The following SLC25A26 variants were observed in gnomAD, a reference collection of about 807,000 sequenced individuals.
SLC25A26 encodes solute carrier family 25 member 26.
SLC25A26 carries 36 observed loss-of-function variants against 37.8 expected under a neutral mutation model. The observed-to-expected ratio is 0.95, with a 90% CI of 0.73 to 1.26. The LOEUF is 1.26. Ranked by LOEUF, SLC25A26 falls within the 50% of genes most tolerant of loss-of-function variation. SLC25A26 has a pLI of 0.00. For synonymous variants in SLC25A26, 129 were observed against 122.5 expected, an observed-to-expected ratio of 1.05 and a Z score of -0.35; for missense variants, 390 against 331.1, an observed-to-expected ratio of 1.18 and a Z score of -1.38.
At chr3:66,295,054 A>C (rs1464682600) in intron 5 of SLC25A26, among the ~76,000 whole-genome samples, 1 of 152,192 alleles carries the variant, frequency 6.6e-6, no homozygotes, top group Non-Finnish European at 1.5e-5. Context: ...GATACAGAAT[A>C]AAAAAAGTTG....
At chr3:66,255,935 A>T (rs2073281616) in intron 3 of SLC25A26, among the ~76,000 whole-genome samples, 1 of 152,150 alleles carries the variant, frequency 6.6e-6, no homozygotes, top group Non-Finnish European at 1.5e-5. Context: ...TTGATTTTTT[A>T]TCGGAGAGGC....
intron 1 of SLC25A26, among the ~76,000 whole-genome samples, chr3:66,138,000 AT>A (rs369427966): frequency 1.3e-5 from 2 of 151,704 alleles, no homozygotes; most frequent in Admixed American, 1.3e-4. Flanking sequence ...CACCCAGCTA[AT>A]TTTTGTATTT....
At chr3:66,318,580 T>C (rs1380431829) in intron 5 of SLC25A26, among the ~76,000 whole-genome samples, 5 of 151,900 alleles carry the variant, frequency 3.3e-5, no homozygotes, top group Non-Finnish European at 5.9e-5. Flanking sequence ...ATTTTTGTCC[T>C]TCTCAGTGGA....
chr3:66,310,140 CT>C (rs2075336461), intron 5 of SLC25A26, among the ~76,000 whole-genome samples: 1 of 152,152 alleles, frequency 6.6e-6, no homozygotes, highest in African/African-American at 2.4e-5. Flanking sequence ...GTCTAAGTTT[CT>C]TTGTAGGTCT....
intron 1 of SLC25A26, among the ~76,000 whole-genome samples, chr3:66,187,635 T>C (rs2070854955): frequency 6.6e-6 from 1 of 151,932 alleles, no homozygotes; most frequent in South Asian, 2.1e-4. Flanking sequence ...CATGCAAACC[T>C]TGACCCTAAC....
At chr3:66,355,960 G>T in intron 6 of SLC25A26, 1 of 451,556 alleles carries the variant, frequency 2.2e-6, no homozygotes, top group Non-Finnish European at 4.4e-6. Flanking sequence ...GAATTGAGTA[G>T]ATGATTCTGT....
At chr3:66,151,312 T>C (rs2070205194) in intron 1 of SLC25A26, among the ~76,000 whole-genome samples, 1 of 152,018 alleles carries the variant, frequency 6.6e-6, no homozygotes, top group Non-Finnish European at 1.5e-5. Flanking sequence ...AAAGCTGGTC[T>C]ACTCTGCTAG....
intron 1 of SLC25A26, among the ~76,000 whole-genome samples, chr3:66,224,014 C>G (rs1007694818): frequency 6.6e-6 from 1 of 152,162 alleles, no homozygotes; most frequent in African/African-American, 2.4e-5. Context: ...ATTTCTTGGA[C>G]TAGTCTGCAG....
At chr3:66,371,966 G>A (rs567221802) in intron 9 of SLC25A26, among the ~76,000 whole-genome samples, 74 of 152,214 alleles carry the variant, frequency 4.9e-4, no homozygotes, top group Non-Finnish European at 9.1e-4. Flanking sequence ...TGGTGTGGTC[G>A]CACGCACCTG....
intron 1 of SLC25A26, among the ~76,000 whole-genome samples, chr3:66,223,562 G>A (rs1390607922): frequency 6.6e-6 from 1 of 152,202 alleles, no homozygotes; most frequent in Non-Finnish European, 1.5e-5. Context: ...ACTCCTGAGG[G>A]AGTTTGGTTT....
chr3:66,334,570 C>T (rs1052832835), intron 5 of SLC25A26, among the ~76,000 whole-genome samples: 1 of 152,192 alleles, frequency 6.6e-6, no homozygotes, highest in African/African-American at 2.4e-5. Context: ...CCGGCCTCAG[C>T]CTCCCAAAGT....
intron 5 of SLC25A26, chr3:66,293,051 G>A (rs570234580): frequency 9.2e-5 from 14 of 151,608 alleles, no homozygotes; most frequent in Non-Finnish European, 1.6e-4. Context: ...TTCAGTCTCT[G>A]ATATCCTTTC....
intron 5 of SLC25A26, among the ~76,000 whole-genome samples, chr3:66,313,297 T>A (rs1323433697): frequency 6.6e-6 from 1 of 152,162 alleles, no homozygotes; most frequent in Non-Finnish European, 1.5e-5. Context: ...TTGAGTTAAT[T>A]TTTATATAAG....
At chr3:66,290,841 G>A (rs369504618) in intron 5 of SLC25A26, among the ~76,000 whole-genome samples, 3 of 152,128 alleles carry the variant, frequency 2.0e-5, no homozygotes, top group Non-Finnish European at 4.4e-5. Context: ...AATGAATTAC[G>A]GAGGAGCCCC....
At chr3:66,207,456 A>G (rs2071196200) in intron 1 of SLC25A26, among the ~76,000 whole-genome samples, 1 of 152,316 alleles carries the variant, frequency 6.6e-6, no homozygotes, top group Admixed American at 6.5e-5. Flanking sequence ...AGACAGTATT[A>G]TGGGAAGACA....
intron 6 of SLC25A26, among the ~76,000 whole-genome samples, chr3:66,360,204 A>G (rs557899676): frequency 6.6e-6 from 1 of 152,346 alleles, no homozygotes; most frequent in East Asian, 1.9e-4. Flanking sequence ...GGAAATTAAA[A>G]TGAACTTTGC....
rs1436537922 is a variant in SLC25A26, at chr3:66,329,156, C to T, written c.454-17208C>T. 9.9e-5 allele frequency among the ~76,000 whole-genome samples: 15 copies of T among 152,222 alleles called. 1 individual carries two copies. In the South Asian group the frequency reaches 2.3e-3, roughly 23 times the overall value. On this transcript the variant is annotated intron_variant, in intron 5 of 9. Coordinates refer to ENST00000354883, the MANE Select transcript of SLC25A26 (RefSeq NM_001379210.1). ...TTTACATTGGAATTTCATATTAAGTCGGTGGCCCTTTCAGTAAAATAAGAG... is the reference window on the plus strand; with the variant it reads ...TTTACATTGGAATTTCATATTAAGTTGGTGGCCCTTTCAGTAAAATAAGAG...
intron 3 of SLC25A26, among the ~76,000 whole-genome samples, chr3:66,243,943 C>G (rs1271942581): frequency 6.6e-6 from 1 of 152,186 alleles, no homozygotes. Flanking sequence ...TGCAAATTCT[C>G]TGTCACAGAT....
chr3:66,209,051 TATATATATATATATACAC>T (rs1345100220), intron 1 of SLC25A26, among the ~76,000 whole-genome samples: 1 of 24,202 alleles, frequency 4.1e-5, no homozygotes, highest in Non-Finnish European at 6.3e-5. Context: ...TATATATATA[TATATATATATATATACAC>T]ACACACACCC....
Sources: gnomAD v4.1 joint callset for allele counts (sites outside exome capture counted in the v4.1 genomes callset) on GRCh38, gnomAD v4.1.1 for gene constraint, MANE v1.5 for transcripts, NCBI Gene and HGNC (gene_info 2026-07-23, HGNC 2026-07-21) for gene names.